The following CALCOCO2 variants were observed in gnomAD, a reference collection of about 807,000 sequenced individuals.
CALCOCO2 encodes calcium binding and coiled-coil domain 2.
A neutral mutation model predicts 62.5 loss-of-function variants in CALCOCO2; 42 were observed. The observed-to-expected ratio is 0.67, with a 90% confidence interval of 0.53 to 0.87. The LOEUF (loss-of-function observed/expected upper bound fraction) is 0.87. Ranked by LOEUF, CALCOCO2 falls within the 40% of genes least tolerant of loss-of-function variation. The probability of loss-of-function intolerance (pLI) is 0.00; values close to 1 mark genes in which losing one functional copy is unlikely to be tolerated. For missense variants in CALCOCO2, 456 were observed against 515.0 expected, an observed-to-expected ratio of 0.89 and a Z score of 1.11; for synonymous variants, 167 against 173.0, an observed-to-expected ratio of 0.97 and a Z score of 0.27.
At chr17:48,845,383 GT>G (rs2040037195) in intron 2 of CALCOCO2, among the ~76,000 whole-genome samples, 2 of 77,666 alleles carry the variant, frequency 2.6e-5, no homozygotes, top group African/African-American at 4.8e-5. Flanking sequence ...GTGTGTGTGT[GT>G]GTGTGTGTGT....
At chr17:48,832,244 A>G (rs1026306992) in intron 1 of CALCOCO2, among the ~76,000 whole-genome samples, 2 of 152,192 alleles carry the variant, frequency 1.3e-5, no homozygotes, top group Non-Finnish European at 2.9e-5. Context: ...AAATACAAAA[A>G]TTAGTGGAGC....
chr17:48,853,258 C>T, intron 9 of CALCOCO2: 1 of 424,898 alleles, frequency 2.4e-6, no homozygotes, highest in South Asian at 2.5e-5. Flanking sequence ...ATGTAGTTAA[C>T]TAGATCCTTG....
At chr17:48,848,703 C>G (rs1216250933) in intron 4 of CALCOCO2, 3 of 584,462 alleles carry the variant, frequency 5.1e-6, no homozygotes, top group East Asian at 6.7e-5. Flanking sequence ...TTTTAACTTT[C>G]CAATTGCTTA....
intron 9 of CALCOCO2, 31 bp downstream of exon 9, chr17:48,853,043 G>A (rs1392972272): frequency 6.9e-7 from 1 of 1,458,862 alleles, no homozygotes; most frequent in Admixed American, 1.7e-5. Context: ...TTATGTGGGA[G>A]GGAGCCTATA....
chr17:48,854,404 T>A (rs1413324266), intron 9 of CALCOCO2, among the ~76,000 whole-genome samples: 379 of 7,388 alleles, frequency 0.051, 30 homozygotes, highest in African/African-American at 0.11. Context: ...ATATTTTTTT[T>A]TTTTTTTTTT....
At chr17:48,849,141 C>T (rs1199909999) in intron 4 of CALCOCO2, 111 bp from the exon 5 acceptor site, 1 of 952,190 alleles carries the variant, frequency 1.1e-6, no homozygotes, top group Non-Finnish European at 1.7e-6. Flanking sequence ...ATCTGGGATA[C>T]ATAGGTGTCA....
At chr17:48,842,039 C>T in intron 2 of CALCOCO2, 152 bp downstream of exon 2, 1 of 478,422 alleles carries the variant, frequency 2.1e-6, no homozygotes, top group East Asian at 3.3e-5. Flanking sequence ...TCTCTCTTCA[C>T]ACATTAATGT....
At chr17:48,836,786 G>A (rs2039898327) in intron 1 of CALCOCO2, among the ~76,000 whole-genome samples, 1 of 141,336 alleles carries the variant, frequency 7.1e-6, no homozygotes, top group South Asian at 2.3e-4. Flanking sequence ...TTTGGAGATA[G>A]AGTTTTGCTC....
intron 2 of CALCOCO2, chr17:48,846,594 A>G: frequency 1.5e-6 from 1 of 687,808 alleles, no homozygotes; most frequent in Admixed American, 2.3e-5. Flanking sequence ...ACAGTGCATT[A>G]AGAAACTCCA....
chr17:48,848,865 C>T (rs1334231556), intron 4 of CALCOCO2: 4 of 478,010 alleles, frequency 8.4e-6, no homozygotes, highest in Non-Finnish European at 1.7e-5. Flanking sequence ...CATCATTTAA[C>T]AGGACACCTA....
chr17:48,850,065 C>T (rs929488776), intron 5 of CALCOCO2, among the ~76,000 whole-genome samples: 1 of 150,954 alleles, frequency 6.6e-6, no homozygotes, highest in Non-Finnish European at 1.5e-5. Context: ...CTTTGGGAGG[C>T]CGAGGCAGGT....
intron 1 of CALCOCO2, 121 bp downstream of exon 1, chr17:48,831,199 A>G (rs1242327596): frequency 6.6e-6 from 1 of 152,280 alleles, no homozygotes; most frequent in Non-Finnish European, 1.5e-5. Flanking sequence ...ACCGCAGTTC[A>G]CCCTCTGGGG....
intron 4 of CALCOCO2, chr17:48,848,781 A>T (rs1017197987): frequency 7.8e-6 from 4 of 512,812 alleles, no homozygotes; most frequent in African/African-American, 7.6e-5. Context: ...AGAAGCACCA[A>T]ATATTCTTAT....
chr17:48,860,735 GAT>G (rs2040314139), intron 11 of CALCOCO2, among the ~76,000 whole-genome samples: 1 of 152,184 alleles, frequency 6.6e-6, no homozygotes, highest in African/African-American at 2.4e-5. Context: ...TTATGTAGAA[GAT>G]ATACACATAC....
At chr17:48,846,034 T>G (rs1444080372) in intron 2 of CALCOCO2, 4 of 1,433,760 alleles carry the variant, frequency 2.8e-6, no homozygotes, top group Admixed American at 4.1e-5. Context: ...GTTCTTTCAG[T>G]GTAGTCTTAA....
At chr17:48,849,398 T>G in intron 5 of CALCOCO2, 21 bp downstream of exon 5, 1 of 1,610,106 alleles carries the variant, frequency 6.2e-7, no homozygotes, top group South Asian at 1.1e-5. Context: ...TGGTTATAGG[T>G]GACCTTGGAG....
intron 1 of CALCOCO2, among the ~76,000 whole-genome samples, chr17:48,835,103 T>C (rs1255253806): frequency 6.6e-6 from 1 of 152,120 alleles, no homozygotes; most frequent in East Asian, 1.9e-4. Context: ...CAAATACTCA[T>C]TTCTAGACTA....
Position 48,857,972 on chromosome 17 carries a change from A to ATGAATTGAATTGAATTGAAT in CALCOCO2, c.1008+1786_1008+1787insGAATTGAATTGAATTGAATT, listed in dbSNP as rs1378115998. Reference sequence around the variant, plus strand: ...AGCCTGGCTGACAGAGCAAGACTACATCAATAGAATAGAATAGAATAGAAT... The same window carrying ATGAATTGAATTGAATTGAAT: ...AGCCTGGCTGACAGAGCAAGACTACATGAATTGAATTGAATTGAATTCAATAGAATAGAATAGAATAGAAT... On this transcript the variant is annotated intron_variant, in intron 10 of 12. Transcript: ENST00000258947. Among the ~76,000 whole-genome samples, 15 of 71,054 alleles carry ATGAATTGAATTGAATTGAAT rather than the reference A, an allele frequency of 2.1e-4. 1 individual carries two copies. Among genetic ancestry groups the ATGAATTGAATTGAATTGAAT allele is most frequent in the African/African-American group, 7.2e-4 (13 of 17,940 alleles). The allele number at this position is 71,054 out of a possible 152,430, so 46.6% of individuals were successfully genotyped here. A position where few individuals can be genotyped will look rare whatever the true frequency, so the allele number is the denominator to read the frequency against.
intron 10 of CALCOCO2, among the ~76,000 whole-genome samples, chr17:48,859,524 C>T (rs2040296251): frequency 6.6e-6 from 1 of 151,902 alleles, no homozygotes; most frequent in Non-Finnish European, 1.5e-5. Context: ...GTTGCTTGAG[C>T]CCATGAGTTC....
Sources: allele counts gnomAD v4.1 joint callset (sites outside exome capture counted in the v4.1 genomes callset), GRCh38; gene constraint gnomAD v4.1.1; transcripts MANE v1.5; gene names NCBI Gene and HGNC (gene_info 2026-07-23, HGNC 2026-07-21).